The following TMPRSS9 variants were observed in gnomAD, a reference collection of about 807,000 sequenced individuals.
TMPRSS9 encodes transmembrane protease serine 9.
In TMPRSS9, 113 loss-of-function variants were observed where a neutral mutation model predicts 111.4. That is an observed-to-expected ratio of 1.01 (90% CI 0.87 to 1.19). The LOEUF (loss-of-function observed/expected upper bound fraction) is 1.19, where lower values mean the gene tolerates loss of function less well. Ranked by LOEUF, TMPRSS9 falls within the 50% of genes most tolerant of loss-of-function variation. The pLI, the probability that TMPRSS9 is intolerant of heterozygous loss-of-function variation, is 0.00. For synonymous variants in TMPRSS9, 805 were observed against 659.1 expected, an observed-to-expected ratio of 1.22 and a Z score of -3.39; for missense variants, 1,803 against 1,513.1, an observed-to-expected ratio of 1.19 and a Z score of -3.18.
upstream of TMPRSS9, among the ~76,000 whole-genome samples, chr19:2,387,708 G>A (rs1970506664): frequency 1.3e-5 from 2 of 152,080 alleles, no homozygotes; most frequent in South Asian, 4.2e-4. Flanking sequence ...TCGCACCACA[G>A]CACTCCAGTA....
intron 17 of TMPRSS9, chr19:2,425,702 C>T (rs1246242913): frequency 3.3e-6 from 4 of 1,204,888 alleles, no homozygotes; most frequent in Admixed American, 3.3e-5. Context: ...CGGGCCTCGG[C>T]GGCAGAGCAG....
intron 1 of TMPRSS9, among the ~76,000 whole-genome samples, chr19:2,390,504 A>T (rs1970567029): frequency 6.7e-6 from 1 of 149,268 alleles, no homozygotes; most frequent in African/African-American, 2.4e-5. Flanking sequence ...CAGCCTCCCA[A>T]AGTGCTGGGA....
chr19:2,366,183 C>T (rs1204551716), intron 1 of TMPRSS9, among the ~76,000 whole-genome samples: 1 of 151,864 alleles, frequency 6.6e-6, no homozygotes, highest in East Asian at 1.9e-4. Context: ...CTGTCTCTAC[C>T]AAAAATTTAA....
chr19:2,367,177 A>C, intron 1 of TMPRSS9, among the ~76,000 whole-genome samples: 1 of 152,076 alleles, frequency 6.6e-6, no homozygotes, highest in Non-Finnish European at 1.5e-5. Context: ...ACACACTCGG[A>C]GAGGGAAATT....
chr19:2,396,436 C>T, intron 1 of TMPRSS9, 103 bp from the exon 3 acceptor site: 1 of 1,387,908 alleles, frequency 7.2e-7, no homozygotes. Flanking sequence ...GGAGTGACCA[C>T]CAGGGTGTGT....
At chr19:2,410,600 G>T (rs1199454459) in intron 9 of TMPRSS9, among the ~76,000 whole-genome samples, 1 of 152,080 alleles carries the variant, frequency 6.6e-6, no homozygotes, top group Non-Finnish European at 1.5e-5. Context: ...AAAGCAGTTG[G>T]GATTGAGAGG....
intron 1 of TMPRSS9, among the ~76,000 whole-genome samples, chr19:2,365,964 A>T (rs899714606): frequency 6.6e-6 from 1 of 151,968 alleles, no homozygotes; most frequent in Non-Finnish European, 1.5e-5. Context: ...ATTCTGTCTC[A>T]AAATAAATAA....
At position 2,416,693 on chromosome 19, in the gene TMPRSS9, G is replaced by GC; in HGVS notation, c.1906dup (p.Leu636ProfsTer58). On this transcript the variant is annotated frameshift_variant, in exon 12 of 18. Coordinates refer to ENST00000648592, the Ensembl canonical transcript of TMPRSS9. LOFTEE classifies it high-confidence loss of function. ...GACCTGGCTGTCCTGGAGCTGGCCA[G>GC]CCCCCTGGCCTTCAACAAATACATC... 6.2e-7 allele frequency: 1 copy of GC among 1,613,086 alleles called. No homozygotes were observed.
intron 8 of TMPRSS9, among the ~76,000 whole-genome samples, chr19:2,409,903 T>G (rs1971058877): frequency 1.3e-5 from 2 of 151,582 alleles, no homozygotes; most frequent in Admixed American, 6.6e-5. Flanking sequence ...GCTGATTCTG[T>G]GTATATTTGG....
intron 9 of TMPRSS9, among the ~76,000 whole-genome samples, chr19:2,411,028 G>A (rs925850638): frequency 3.3e-5 from 5 of 152,160 alleles, no homozygotes; most frequent in Middle Eastern, 3.4e-3. Flanking sequence ...GGCTGGGCAC[G>A]GTGGCTCACG....
intron 6 of TMPRSS9, among the ~76,000 whole-genome samples, chr19:2,403,455 T>G (rs920190184): frequency 6.6e-6 from 1 of 152,098 alleles, no homozygotes; most frequent in Non-Finnish European, 1.5e-5. Context: ...AAACAGAGGT[T>G]GTGGCCACAG....
At chr19:2,405,302 A>G in intron 6 of TMPRSS9, 72 bp from the exon 8 acceptor site, 2 of 1,497,812 alleles carry the variant, frequency 1.3e-6, no homozygotes, top group Non-Finnish European at 1.8e-6. Context: ...AGACTCAGAG[A>G]TGCATGTTCT....
In TMPRSS9 at chr19:2,417,994, C is replaced by A. The variant is rs1342507599; in HGVS notation, c.2018-8C>A. 6.2e-7 allele frequency: 1 copy of A among 1,611,756 alleles called. No homozygotes were observed. On this transcript the variant is annotated splice_polypyrimidine_tract_variant and splice_region_variant and intron_variant, in intron 12 of 17. Coordinates refer to ENST00000648592, the Ensembl canonical transcript of TMPRSS9. The stretch of plus-strand genomic sequence containing the variant: ...TGCACGTGGCCTTTCTGGCTCTTTC[C>A]CTGGTAGCCACCAAGCCCGAGCTCC...
chr19:2,421,837 C>T lies in TMPRSS9; in HGVS notation c.2155-17C>T. The T allele has an allele frequency of 6.3e-7, 1 of 1,576,384 alleles. No homozygotes were observed. The highest frequency in any genetic ancestry group is 1.2e-5 in the South Asian group (1 of 85,912). On this transcript the variant is annotated splice_polypyrimidine_tract_variant and intron_variant, in intron 13 of 17. Coordinates refer to ENST00000648592, the Ensembl canonical transcript of TMPRSS9. The stretch of plus-strand genomic sequence containing the variant: ...GGTCCCTGGAGGACCAACCAGTGCT[C>T]TTTCCTTCCTTTCTAGGGTGACTCT...
At chr19:2,405,264 C>G (rs12975324) in intron 6 of TMPRSS9, 110 bp from the exon 8 acceptor site, 249,406 of 1,389,714 alleles carry the variant, frequency 0.18, 24,612 homozygotes, top group Middle Eastern at 0.24. Flanking sequence ...CCCCAAGCAT[C>G]TCTTTGAACT....
At chr19:2,381,439 C>G (rs1348457475) in intron 1 of TMPRSS9, among the ~76,000 whole-genome samples, 1 of 151,844 alleles carries the variant, frequency 6.6e-6, no homozygotes, top group African/African-American at 2.4e-5. Context: ...AAGTGAATCT[C>G]GGTGTCTTTT....
chr19:2,382,914 T>G (rs766496969), intron 1 of TMPRSS9, among the ~76,000 whole-genome samples: 1 of 152,158 alleles, frequency 6.6e-6, no homozygotes, highest in Non-Finnish European at 1.5e-5. Flanking sequence ...AGGGAAGAGC[T>G]GATGCTGCAG....
chr19:2,402,150 C>G, intron 5 of TMPRSS9, 134 bp downstream of exon 6: 1 of 655,440 alleles, frequency 1.5e-6, no homozygotes, highest in African/African-American at 1.9e-5. Flanking sequence ...CCCAGCACTT[C>G]AGGAGGCTGA....
intron 8 of TMPRSS9, among the ~76,000 whole-genome samples, chr19:2,409,668 G>A (rs1568184017): frequency 6.6e-6 from 1 of 152,078 alleles, no homozygotes; most frequent in East Asian, 1.9e-4. Flanking sequence ...GAGCAAGTCA[G>A]GCAAATTCTG....
Sources: gnomAD v4.1 joint callset for allele counts (sites outside exome capture counted in the v4.1 genomes callset) on GRCh38, gnomAD v4.1.1 for gene constraint, MANE v1.5 for transcripts, NCBI Gene and HGNC (gene_info 2026-07-23, HGNC 2026-07-21) for gene names.